The following RASAL2 variants were observed in gnomAD, a reference collection of about 807,000 sequenced individuals.
The protein encoded by RASAL2 is RAS protein activator like 2.
In RASAL2, 58 loss-of-function variants were observed where a neutral mutation model predicts 128.9. That is an observed-to-expected ratio of 0.45 (90% confidence interval 0.36 to 0.56). RASAL2 has a LOEUF of 0.56. Ranked by LOEUF, RASAL2 falls within the 20% of genes least tolerant of loss-of-function variation. The probability of loss-of-function intolerance (pLI) is 0.00; values close to 1 mark genes in which losing one functional copy is unlikely to be tolerated. For missense variants in RASAL2, 1,360 were observed against 1,601.6 expected, an observed-to-expected ratio of 0.85 and a Z score of 2.57; for synonymous variants, 561 against 580.8, an observed-to-expected ratio of 0.97 and a Z score of 0.49.
intron 4 of RASAL2, among the ~76,000 whole-genome samples, chr1:178,405,995 C>G (rs531997939): frequency 1.3e-5 from 2 of 152,270 alleles, no homozygotes; most frequent in African/African-American, 4.8e-5. Flanking sequence ...GGAAAAATAA[C>G]TAAGGATTCC....
At chr1:178,262,777 C>G (rs1665757801) in intron 1 of RASAL2, among the ~76,000 whole-genome samples, 1 of 150,170 alleles carries the variant, frequency 6.7e-6, no homozygotes, top group Admixed American at 6.7e-5. Flanking sequence ...CTCTTCTCAT[C>G]CCCCCTGCCC....
chr1:178,434,056 G>A (rs1309202591), intron 5 of RASAL2, among the ~76,000 whole-genome samples: 1 of 152,060 alleles, frequency 6.6e-6, no homozygotes, highest in Non-Finnish European at 1.5e-5. Flanking sequence ...GCTGTAGTCT[G>A]TCCACTCTTA....
intron 3 of RASAL2, among the ~76,000 whole-genome samples, chr1:178,329,965 G>A (rs1669212083): frequency 6.6e-6 from 1 of 152,196 alleles, no homozygotes; most frequent in African/African-American, 2.4e-5. Flanking sequence ...TGGGGTAAAA[G>A]GATGGAAGGC....
chr1:178,261,455 T>A (rs1051887509), intron 1 of RASAL2, among the ~76,000 whole-genome samples: 1 of 152,272 alleles, frequency 6.6e-6, no homozygotes, highest in Non-Finnish European at 1.5e-5. Flanking sequence ...TGTGTTTTTA[T>A]GTTGCAGTAG....
chr1:178,321,745 T>TC (rs1668792910), intron 3 of RASAL2, among the ~76,000 whole-genome samples: 1 of 151,844 alleles, frequency 6.6e-6, no homozygotes, highest in Non-Finnish European at 1.5e-5. Context: ...TCCCAGCACT[T>TC]TGGGAGGCCA....
intron 1 of RASAL2, among the ~76,000 whole-genome samples, chr1:178,164,391 G>C (rs960134379): frequency 6.6e-6 from 1 of 151,818 alleles, no homozygotes; most frequent in African/African-American, 2.4e-5. Flanking sequence ...GAAAAAGCTG[G>C]TTATTCCAAA....
intron 5 of RASAL2, among the ~76,000 whole-genome samples, chr1:178,430,309 G>T (rs1311857427): frequency 6.6e-6 from 1 of 152,046 alleles, no homozygotes; most frequent in African/African-American, 2.4e-5. Context: ...CAGATTTACA[G>T]CCATGGGCCA....
chr1:178,334,433 G>A (rs1024829430), intron 3 of RASAL2, among the ~76,000 whole-genome samples: 1 of 151,744 alleles, frequency 6.6e-6, no homozygotes, highest in Non-Finnish European at 1.5e-5. Context: ...CCACCTCCTG[G>A]GTTCAAGCCA....
intron 1 of RASAL2, among the ~76,000 whole-genome samples, chr1:178,274,783 G>C (rs1314528174): frequency 6.6e-6 from 1 of 151,976 alleles, no homozygotes; most frequent in Admixed American, 6.6e-5. Flanking sequence ...AGAGCCAGGG[G>C]TCCCACTTTG....
chr1:178,423,735 T>G (rs1007119289), intron 5 of RASAL2, among the ~76,000 whole-genome samples: 2 of 152,178 alleles, frequency 1.3e-5, no homozygotes, highest in Non-Finnish European at 2.9e-5. Flanking sequence ...TTCTTTGTTT[T>G]AATTTGTATT....
At chr1:178,438,940 AAGT>A (rs1229261811) in intron 5 of RASAL2, among the ~76,000 whole-genome samples, 3 of 124,638 alleles carry the variant, frequency 2.4e-5, no homozygotes, top group Non-Finnish European at 3.5e-5. Context: ...TGTTTTGCCA[AAGT>A]AGAAAGAAAC....
At chr1:178,358,237 T>TTAAA (rs1176010811) in intron 3 of RASAL2, among the ~76,000 whole-genome samples, 107 of 34,782 alleles carry the variant, frequency 3.1e-3, no homozygotes, top group African/African-American at 4.3e-3. Flanking sequence ...CTCTGTCTCC[T>TTAAA]AAAAAAAAAA....
At chr1:178,122,205 A>G (rs1233901025) in intron 1 of RASAL2, among the ~76,000 whole-genome samples, 1 of 152,200 alleles carries the variant, frequency 6.6e-6, no homozygotes, top group Non-Finnish European at 1.5e-5. Context: ...TGTGCATTAA[A>G]ATCGGTTTGG....
At position 178,478,504 on chromosome 1, in the gene RASAL2, T is replaced by A. The variant is rs1648832521; in HGVS notation, c.*5265T>A. 1 of 152,130 alleles carries A rather than the reference T, an allele frequency of 6.6e-6. No individual in the cohort carries two copies. Among genetic ancestry groups the A allele is most frequent in the African/African-American group, 2.4e-5 (1 of 41,440 alleles). The allele number at this position is 152,130 out of a possible 1,614,324, so 9.4% of individuals were successfully genotyped here. ...AATGACCTTCTAAATTTGATTTTGTTTTTCATCTCCAGGGCCTTAATAAGA... is the reference window on the plus strand; with the variant it reads ...AATGACCTTCTAAATTTGATTTTGTATTTCATCTCCAGGGCCTTAATAAGA... On this transcript the variant is annotated 3_prime_UTR_variant, in exon 18 of 18. Coordinates refer to ENST00000367649, the MANE Select transcript of RASAL2 (RefSeq NM_170692.4).
At position 178,390,204 on chromosome 1, in the gene RASAL2, C is replaced by A; in HGVS notation, c.562C>A (p.Pro188Thr). 6.3e-7 allele frequency: 1 copy of A among 1,595,294 alleles called. No individual in the cohort carries two copies. The highest frequency in any genetic ancestry group is 8.6e-7 in the Non-Finnish European group (1 of 1,164,910). ...DTANTSPFKV[P>T]GFFSKRLKGS... is the part of the protein sequence containing the mutation. ...TGCAAATACCTCACCCTTCAAAGTACCAGTAAGTGTTTATCTTCTTTATAA... is the reference window on the plus strand; with the variant it reads ...TGCAAATACCTCACCCTTCAAAGTAACAGTAAGTGTTTATCTTCTTTATAA... The change falls in exon 4 of 18, where the codon CCA (proline) becomes ACA (threonine). Residue 188 changes from proline (P) to threonine (T), a missense_variant and splice_region_variant. Transcript: ENST00000367649.
intron 1 of RASAL2, among the ~76,000 whole-genome samples, chr1:178,164,127 T>C (rs1661432148): frequency 1.3e-5 from 2 of 149,118 alleles, no homozygotes; most frequent in South Asian, 4.2e-4. Context: ...AACTTTTTTG[T>C]GTGTCTGAAA....
In RASAL2 at chr1:178,300,011, A is replaced by T. The variant is rs201333128; in HGVS notation, c.350A>T (p.Gln117Leu). 8.0e-4 allele frequency: 1,283 copies of T among 1,613,822 alleles called. 1 individual carries two copies. The highest frequency in any genetic ancestry group is 1.0e-3 in the Non-Finnish European group (1,213 of 1,179,920). ...AACTAGATACCTGTGGAAGGGGGACAGGAGCAGCAGACAGATTCCACCAAA... is the reference window on the plus strand; with the variant it reads ...AACTAGATACCTGTGGAAGGGGGACTGGAGCAGCAGACAGATTCCACCAAA... ...KEKEIPVEGG[Q>L]EQQTDSTKGR... Residue 117 changes from glutamine (Q) to leucine (L), a missense_variant, in exon 3 of 18, where the codon CAG (glutamine) becomes CTG (leucine). Gln to Leu is a moderately radical substitution (Grantham distance 113, BLOSUM62 -2). This residue lies in a region of RASAL2 where 617 missense variants were observed against 714.2 expected (regional missense o/e 0.86). Coordinates refer to ENST00000367649, the MANE Select transcript of RASAL2 (RefSeq NM_170692.4).
intron 1 of RASAL2, among the ~76,000 whole-genome samples, chr1:178,189,704 A>C (rs1047313926): frequency 4.6e-5 from 7 of 152,194 alleles, no homozygotes; most frequent in Non-Finnish European, 8.8e-5. Flanking sequence ...AGTATGGTGT[A>C]TACATCCCTG....
At chr1:178,212,820 A>G (rs752864662) in intron 1 of RASAL2, among the ~76,000 whole-genome samples, 9 of 152,128 alleles carry the variant, frequency 5.9e-5, no homozygotes, top group Non-Finnish European at 1.3e-4. Flanking sequence ...CTCTTTAAAT[A>G]TCATAACATT....
Sources: allele counts gnomAD v4.1 joint callset (sites outside exome capture counted in the v4.1 genomes callset), GRCh38; gene constraint gnomAD v4.1.1; regional missense constraint gnomAD v4.1.1; transcripts MANE v1.5; gene names NCBI Gene and HGNC (gene_info 2026-07-23, HGNC 2026-07-21).